Variants in XNDC1N observed in about 807,000 individuals in gnomAD.
XNDC1N encodes protein XNDC1N.
the XNDC1N span, among the ~76,000 whole-genome samples, chr11:71,867,594 T>C: frequency 6.6e-6 from 1 of 152,240 alleles, no homozygotes; most frequent in Non-Finnish European, 1.5e-5. Context: ...TGTAATTGTA[T>C]GGTTTTTAGT....
the XNDC1N span, among the ~76,000 whole-genome samples, chr11:71,889,738 C>T: frequency 6.6e-6 from 1 of 152,168 alleles, no homozygotes; most frequent in Admixed American, 6.5e-5. Context: ...AGCTGTTCTG[C>T]CCGGCATAAG....
chr11:71,903,964 G>A, the XNDC1N span: 31 of 500,802 alleles, frequency 6.2e-5, no homozygotes, highest in South Asian at 4.3e-4. Context: ...AGGCGTTGGA[G>A]GGTACCTCGG....
At chr11:71,896,140 G>A in the XNDC1N span, among the ~76,000 whole-genome samples, 3 of 152,150 alleles carry the variant, frequency 2.0e-5, no homozygotes, top group Non-Finnish European at 2.9e-5. Context: ...TGAGTCGGGC[G>A]TGGTGACCTG....
At chr11:71,892,968 T>C in the XNDC1N span, among the ~76,000 whole-genome samples, 13 of 138,938 alleles carry the variant, frequency 9.4e-5, no homozygotes, top group African/African-American at 3.9e-4. Flanking sequence ...GATTGAGAAT[T>C]ATATTTGATT....
chr11:71,874,223 C>A, the XNDC1N span, among the ~76,000 whole-genome samples: 1 of 152,134 alleles, frequency 6.6e-6, no homozygotes, highest in Non-Finnish European at 1.5e-5. Context: ...GGGAGGCTGA[C>A]ACACAAGAAT....
the XNDC1N span, among the ~76,000 whole-genome samples, chr11:71,921,049 A>C: frequency 6.6e-6 from 1 of 151,592 alleles, no homozygotes; most frequent in Non-Finnish European, 1.5e-5. Flanking sequence ...TAGGGATACA[A>C]TCATGGCTCG....
chr11:71,875,353 A>T, the XNDC1N span, among the ~76,000 whole-genome samples: 1 of 152,154 alleles, frequency 6.6e-6, no homozygotes, highest in African/African-American at 2.4e-5. Flanking sequence ...GTAATGTGTT[A>T]TATCTATTAT....
the XNDC1N span, among the ~76,000 whole-genome samples, chr11:71,926,845 G>A: frequency 3.3e-5 from 5 of 152,054 alleles, no homozygotes; most frequent in African/African-American, 1.2e-4. Context: ...AGGTTGCAGT[G>A]AGCCAAGATC....
the XNDC1N span, among the ~76,000 whole-genome samples, chr11:71,893,155 T>C: frequency 2.0e-5 from 3 of 152,202 alleles, no homozygotes; most frequent in South Asian, 6.2e-4. Flanking sequence ...TTGCATTGTA[T>C]TTTTTCTGAA....
chr11:71,894,053 A>G, the XNDC1N span: 2 of 569,602 alleles, frequency 3.5e-6, no homozygotes, highest in African/African-American at 3.9e-5. Flanking sequence ...AGCGTCATCA[A>G]TAGCATATTC....
At chr11:71,907,662 G>A in the XNDC1N span, among the ~76,000 whole-genome samples, 6 of 152,008 alleles carry the variant, frequency 3.9e-5, no homozygotes, top group South Asian at 1.0e-3. Context: ...TACTCCCTGG[G>A]ATACCAGGTG....
chr11:71,896,080 C>T, the XNDC1N span, among the ~76,000 whole-genome samples: 648 of 152,320 alleles, frequency 4.3e-3, 6 homozygotes, highest in African/African-American at 0.015. Flanking sequence ...GAGTTCGAGA[C>T]CCGCCTGGCC....
chr11:71,882,213 T>TAAA, the XNDC1N span, among the ~76,000 whole-genome samples: 14 of 143,704 alleles, frequency 9.7e-5, no homozygotes, highest in African/African-American at 3.3e-4. Context: ...TTTAAAATGT[T>TAAA]AAAAAAAAAA....
the XNDC1N span, among the ~76,000 whole-genome samples, chr11:71,904,936 A>T: frequency 6.6e-6 from 1 of 152,088 alleles, no homozygotes; most frequent in East Asian, 1.9e-4. Flanking sequence ...GAATAATATC[A>T]CAGGGAGTAC....
At chr11:71,921,461 T>C in the XNDC1N span, among the ~76,000 whole-genome samples, 4 of 152,090 alleles carry the variant, frequency 2.6e-5, no homozygotes, top group East Asian at 3.9e-4. Flanking sequence ...AAATTTTCTG[T>C]AGAGATGGGA....
the XNDC1N span, among the ~76,000 whole-genome samples, chr11:71,889,097 C>G: frequency 1.5e-4 from 23 of 152,188 alleles, no homozygotes; most frequent in African/African-American, 5.3e-4. Flanking sequence ...GCCACTTCAG[C>G]CTAGAAAGCT....
chr11:71,894,703 A>G, the XNDC1N span, among the ~76,000 whole-genome samples: 3 of 152,166 alleles, frequency 2.0e-5, no homozygotes, highest in Non-Finnish European at 2.9e-5. Context: ...TTTCATATAC[A>G]CGAAGTCCTC....
At chr11:71,923,559 T>C in the XNDC1N span, 4 of 465,694 alleles carry the variant, frequency 8.6e-6, no homozygotes, top group Non-Finnish European at 1.5e-5. Context: ...ATTTCTGTTT[T>C]GTTTTTTTTT....
At chr11:71,890,921 A>G in the XNDC1N span, among the ~76,000 whole-genome samples, 1 of 152,030 alleles carries the variant, frequency 6.6e-6, no homozygotes, top group Non-Finnish European at 1.5e-5. Context: ...CATCCCTGCG[A>G]TATTGAGAGT....
Sources: allele counts gnomAD v4.1 joint callset (sites outside exome capture counted in the v4.1 genomes callset), GRCh38; gene constraint gnomAD v4.1.1; transcripts MANE v1.5; gene names NCBI Gene and HGNC (gene_info 2026-07-23, HGNC 2026-07-21).